The following CNTNAP2 variants were observed in gnomAD, a reference collection of about 807,000 sequenced individuals.
The protein encoded by CNTNAP2 is contactin-associated protein-like 2.
In CNTNAP2, 98 loss-of-function variants were observed where a neutral mutation model predicts 155.2. That is an observed-to-expected ratio of 0.63 (90% CI 0.54 to 0.75). CNTNAP2 has a LOEUF of 0.75. Ranked by LOEUF, CNTNAP2 falls within the 30% of genes least tolerant of loss-of-function variation. CNTNAP2 has a pLI of 0.00. For synonymous variants in CNTNAP2, 651 were observed against 631.2 expected (o/e 1.03, Z -0.47); for missense variants, 1,727 against 1,688.1 (o/e 1.02, Z -0.40).
At chr7:146,192,699 A>G (rs191801342) in intron 1 of CNTNAP2, among the ~76,000 whole-genome samples, 2 of 152,268 alleles carry the variant, frequency 1.3e-5, no homozygotes, top group Admixed American at 6.5e-5. Flanking sequence ...CAGCAAAACC[A>G]TATCATTCTG....
chr7:146,532,953 T>C (rs1332958320), intron 1 of CNTNAP2, among the ~76,000 whole-genome samples: 1 of 151,096 alleles, frequency 6.6e-6, no homozygotes, highest in African/African-American at 2.4e-5. Context: ...TAAAAATAAA[T>C]TAGACAAGTA....
chr7:146,986,878 C>G (rs1798122930), intron 3 of CNTNAP2, among the ~76,000 whole-genome samples: 1 of 151,996 alleles, frequency 6.6e-6, no homozygotes, highest in Non-Finnish European at 1.5e-5. Flanking sequence ...TAGGCTGCCA[C>G]TGTTTTAATA....
chr7:146,277,298 A>T (rs551335236), intron 1 of CNTNAP2, among the ~76,000 whole-genome samples: 2 of 152,196 alleles, frequency 1.3e-5, no homozygotes, highest in Non-Finnish European at 2.9e-5. Flanking sequence ...CAGGCCCCAC[A>T]CTTTGTTACG....
Position 148,359,834 on chromosome 7 carries a change from G to T in CNTNAP2, c.3476-23815G>T, listed in dbSNP as rs190623803. Among the ~76,000 whole-genome samples, 9 of 152,312 alleles carry T rather than the reference G, an allele frequency of 5.9e-5. No individual in the cohort carries two copies. In the East Asian group the frequency reaches 1.7e-3, roughly 29 times the overall value. On this transcript the variant is annotated intron_variant, in intron 21 of 23. Transcript: ENST00000361727. ...TAGGAAATCACAGTCGTTAGTTTCA[G>T]ATGTTTAGTTTGGGATATTCAGGTG...
intron 3 of CNTNAP2, among the ~76,000 whole-genome samples, chr7:147,021,704 A>C (rs1303952363): frequency 6.6e-6 from 1 of 152,214 alleles, no homozygotes; most frequent in East Asian, 1.9e-4. Flanking sequence ...ACAAATATTC[A>C]ACAAACTTAA....
At chr7:146,169,748 TTAACA>T (rs1298882324) in intron 1 of CNTNAP2, among the ~76,000 whole-genome samples, 1 of 151,434 alleles carries the variant, frequency 6.6e-6, no homozygotes, top group Non-Finnish European at 1.5e-5. Flanking sequence ...TTTATTTTAT[TTAACA>T]TAATATATTC....
intron 15 of CNTNAP2, among the ~76,000 whole-genome samples, chr7:148,005,237 G>A (rs943460881): frequency 1.3e-5 from 2 of 152,216 alleles, no homozygotes; most frequent in Middle Eastern, 3.4e-3. Context: ...CTCCCAAGTG[G>A]GAAGAACCAG....
intron 14 of CNTNAP2, among the ~76,000 whole-genome samples, chr7:147,972,096 A>G (rs1801343129): frequency 6.6e-6 from 1 of 152,162 alleles, no homozygotes; most frequent in Non-Finnish European, 1.5e-5. Context: ...CATTTGCCTA[A>G]GGAATGATAG....
intron 1 of CNTNAP2, among the ~76,000 whole-genome samples, chr7:146,306,263 C>G (rs141929316): frequency 0.031 from 4,654 of 152,182 alleles, 120 homozygotes; most frequent in African/African-American, 0.066. Flanking sequence ...TAATAGCCTA[C>G]CAACCAAAAA....
chr7:148,048,046 C>T (rs1802805478), intron 15 of CNTNAP2, among the ~76,000 whole-genome samples: 1 of 152,124 alleles, frequency 6.6e-6, no homozygotes, highest in South Asian at 2.1e-4. Context: ...GCCTCAGCCT[C>T]CCCAGTAGCT....
intron 1 of CNTNAP2, among the ~76,000 whole-genome samples, chr7:146,460,047 A>G (rs1161427008): frequency 6.6e-6 from 1 of 152,172 alleles, no homozygotes; most frequent in African/African-American, 2.4e-5. Context: ...AGGAAGTTTA[A>G]CAACAAAATG....
chr7:148,084,670 C>T (rs78177230), intron 15 of CNTNAP2, among the ~76,000 whole-genome samples: 1 of 152,168 alleles, frequency 6.6e-6, no homozygotes, highest in Non-Finnish European at 1.5e-5. Context: ...TAATTCACTG[C>T]AATAACAATT....
intron 9 of CNTNAP2, among the ~76,000 whole-genome samples, chr7:147,313,352 A>G (rs1795162027): frequency 6.6e-6 from 1 of 150,442 alleles, no homozygotes; most frequent in South Asian, 2.1e-4. Flanking sequence ...CTATGTCCTG[A>G]ATGGTAATGC....
At position 148,062,011 on chromosome 7, in the gene CNTNAP2, T is replaced by TGATAG. The variant is rs1554468163; in HGVS notation, c.2384-56107_2384-56106insGATAG. On this transcript the variant is annotated intron_variant, in intron 15 of 23. Transcript: ENST00000361727. ...GATAGATAGATAGATAGATAGATGA[T>TGATAG]AGAGAGAGAGAGAGAGAGTGTGTGT... 5.5e-3 allele frequency among the ~76,000 whole-genome samples: 461 copies of TGATAG among 84,040 alleles called. 13 individuals are homozygous for TGATAG. The highest frequency in any genetic ancestry group is 0.021 in the Middle Eastern group (3 of 144). The allele number at this position is 84,040 out of a possible 152,430, so 55.1% of individuals were successfully genotyped here. A position where few individuals can be genotyped will look rare whatever the true frequency, so the allele number is the denominator to read the frequency against.
chr7:147,978,502 C>T (rs554994735), intron 15 of CNTNAP2, among the ~76,000 whole-genome samples: 24 of 152,236 alleles, frequency 1.6e-4, no homozygotes, highest in African/African-American at 5.8e-4. Flanking sequence ...AAGATTGTTT[C>T]TGTTAACTAT....
At chr7:146,540,894 A>G (rs1489019220) in intron 1 of CNTNAP2, among the ~76,000 whole-genome samples, 2 of 151,972 alleles carry the variant, frequency 1.3e-5, no homozygotes, top group African/African-American at 4.8e-5. Context: ...TAATTTGCAA[A>G]TCCTCATTTG....
At chr7:147,508,671 G>A (rs1798958893) in intron 11 of CNTNAP2, among the ~76,000 whole-genome samples, 2 of 152,136 alleles carry the variant, frequency 1.3e-5, no homozygotes, top group African/African-American at 4.8e-5. Context: ...GGACCTGATG[G>A]GAGATAATTA....
At chr7:147,202,743 A>G (rs1802947394) in intron 8 of CNTNAP2, among the ~76,000 whole-genome samples, 2 of 152,170 alleles carry the variant, frequency 1.3e-5, no homozygotes, top group South Asian at 4.1e-4. Context: ...TGGGAGTTGA[A>G]CAATGAGAAC....
intron 3 of CNTNAP2, among the ~76,000 whole-genome samples, chr7:146,923,194 A>G (rs997812112): frequency 2.6e-5 from 4 of 152,182 alleles, no homozygotes; most frequent in African/African-American, 9.7e-5. Flanking sequence ...TGAGAATTAA[A>G]AGAGAGGATG....
Sources: allele counts gnomAD v4.1 joint callset (sites outside exome capture counted in the v4.1 genomes callset), GRCh38; gene constraint gnomAD v4.1.1; transcripts MANE v1.5; gene names NCBI Gene and HGNC (gene_info 2026-07-23, HGNC 2026-07-21).